The following UBXN2B variants were observed in gnomAD, a reference collection of about 807,000 sequenced individuals.
The protein encoded by UBXN2B is UBX domain-containing protein 2B.
UBXN2B carries 19 observed loss-of-function variants against 37.5 expected under a neutral mutation model. The ratio of observed to expected loss-of-function variants is 0.51; its 90% CI spans 0.35 to 0.74. The LOEUF (loss-of-function observed/expected upper bound fraction) is 0.74, where lower values mean the gene tolerates loss of function less well. Ranked by LOEUF, UBXN2B falls within the 30% of genes least tolerant of loss-of-function variation. UBXN2B has a pLI of 0.01. For missense variants in UBXN2B, 370 were observed against 393.2 expected (o/e 0.94, Z 0.50); for synonymous variants, 145 against 143.8 (o/e 1.01, Z -0.06).
At chr8:58,430,413 C>A in intron 2 of UBXN2B, 106 bp from the exon 3 acceptor site, 1 of 772,860 alleles carries the variant, frequency 1.3e-6, no homozygotes, top group Non-Finnish European at 1.8e-6. Flanking sequence ...CAAAATAATG[C>A]CTCTTTTTAA....
At chr8:58,423,254 A>G (rs979295308) in intron 2 of UBXN2B, among the ~76,000 whole-genome samples, 1 of 152,274 alleles carries the variant, frequency 6.6e-6, no homozygotes, top group East Asian at 1.9e-4. Flanking sequence ...CAGCCAGGCC[A>G]CTGAAAGAGA....
At chr8:58,424,852 G>C in intron 2 of UBXN2B, 3 of 1,344,086 alleles carry the variant, frequency 2.2e-6, no homozygotes, top group South Asian at 1.2e-5. Flanking sequence ...CTGTGTTTCT[G>C]TCTGGACCAT....
chr8:58,426,645 AC>A, intron 2 of UBXN2B: 2 of 741,526 alleles, frequency 2.7e-6, no homozygotes, highest in Non-Finnish European at 2.5e-6. Flanking sequence ...TTCTGCCTCC[AC>A]CCCAGTGATA....
chr8:58,411,469 G>A lies in UBXN2B; in HGVS notation c.84G>A (p.Gln28=). ...GPRPPSARDL[Q]LALAELYEDE... ...GGCCTCCGAGCGCGCGGGATTTGCA[G>A]GTGAGGCGAGGAGCCGGGGGAGGGA... Residue 28 remains glutamine (Q), a splice_region_variant and synonymous_variant, in exon 1 of 8, where the codon CAG becomes CAA. Coordinates refer to ENST00000399598, the MANE Select transcript of UBXN2B (RefSeq NM_001077619.2). The A allele has an allele frequency of 8.0e-7, 1 of 1,252,864 alleles. No homozygotes were observed. Among genetic ancestry groups the A allele is most frequent in the Non-Finnish European group, 1.0e-6 (1 of 993,836 alleles). The allele number at this position is 1,252,864 out of a possible 1,614,324, so 77.6% of individuals were successfully genotyped here.
intron 1 of UBXN2B, 152 bp from the exon 2 acceptor site, chr8:58,416,698 T>G (rs2129603669): frequency 1.9e-6 from 1 of 517,310 alleles, no homozygotes; most frequent in East Asian, 3.2e-5. Context: ...TGCAGTAAGT[T>G]TATTTCAGAA....
chr8:58,446,661 T>C (rs888677426), intron 7 of UBXN2B, among the ~76,000 whole-genome samples: 4 of 151,946 alleles, frequency 2.6e-5, no homozygotes, highest in Admixed American at 2.0e-4. Context: ...TTAAAATTAT[T>C]CCTATGATAG....
chr8:58,436,132 G>A lies in UBXN2B; in HGVS notation c.533+1628G>A, dbSNP rs1808406522. 3.9e-5 allele frequency among the ~76,000 whole-genome samples: 6 copies of A among 152,156 alleles called. No individual in the cohort carries two copies. In the South Asian group the frequency reaches 1.2e-3, roughly 32 times the overall value. On this transcript the variant is annotated intron_variant, in intron 5 of 7. Coordinates refer to ENST00000399598, the MANE Select transcript of UBXN2B (RefSeq NM_001077619.2). Reference sequence around the variant, plus strand: ...CTCTGTGCAGTCTAGCACTTCCTATGTAAATGTGACAGGTATAAAAACAGA... The same window carrying A: ...CTCTGTGCAGTCTAGCACTTCCTATATAAATGTGACAGGTATAAAAACAGA...
chr8:58,426,095 TTC>T (rs1808076694), intron 2 of UBXN2B: 1 of 1,387,822 alleles, frequency 7.2e-7, no homozygotes. Context: ...ATCTCCATTC[TTC>T]TCTTTTAATT....
chr8:58,428,013 G>A (rs1281309998), intron 2 of UBXN2B, among the ~76,000 whole-genome samples: 2 of 152,164 alleles, frequency 1.3e-5, no homozygotes, highest in African/African-American at 4.8e-5. Flanking sequence ...ACAGCGAAAG[G>A]GAGAAGAAGG....
Position 58,413,390 on chromosome 8 carries a change from A to G in UBXN2B, c.84+1921A>G, listed in dbSNP as rs577451563. On this transcript the variant is annotated intron_variant, in intron 1 of 7. Coordinates refer to ENST00000399598, the MANE Select transcript of UBXN2B (RefSeq NM_001077619.2). The stretch of plus-strand genomic sequence containing the variant: ...AAATAAAGTATGTATCAAAAGTTTA[A>G]AAGAATTAAATAATGTTCTTCCCAA... 2.0e-5 allele frequency: 3 copies of G among 152,346 alleles called. No homozygotes were observed. The South Asian group carries it at 6.2e-4, about 32-fold the overall frequency. 9.4% of individuals were successfully genotyped at this position (152,346 alleles called of 1,614,324 possible). A position where few individuals can be genotyped will look rare whatever the true frequency, so the allele number is the denominator to read the frequency against.
At chr8:58,442,840 C>T (rs1808582506) in intron 6 of UBXN2B, among the ~76,000 whole-genome samples, 1 of 152,194 alleles carries the variant, frequency 6.6e-6, no homozygotes, top group Admixed American at 6.5e-5. Context: ...GATGTTTCTG[C>T]AGAAGAACAG....
chr8:58,442,899 CT>C (rs963097519), intron 6 of UBXN2B, among the ~76,000 whole-genome samples: 19 of 152,226 alleles, frequency 1.2e-4, no homozygotes, highest in African/African-American at 4.3e-4. Flanking sequence ...GTGCTTGCCA[CT>C]CTCACTTACC....
intron 2 of UBXN2B, among the ~76,000 whole-genome samples, chr8:58,423,463 T>G (rs1585600067): frequency 1.4e-5 from 2 of 146,874 alleles, no homozygotes. Flanking sequence ...TGACACGGAG[T>G]CTTGCACTGT....
intron 6 of UBXN2B, 35 bp downstream of exon 6, chr8:58,439,805 G>A: frequency 6.4e-7 from 1 of 1,560,434 alleles, no homozygotes; most frequent in Non-Finnish European, 8.6e-7. Flanking sequence ...TACCTTTGTT[G>A]AACATGAATT....
Position 58,450,828 on chromosome 8 carries a change from T to C in UBXN2B, c.*3277T>C, listed in dbSNP as rs1377983509. On this transcript the variant is annotated 3_prime_UTR_variant, in exon 8 of 8. Transcript: ENST00000399598. ...AGAGGTGAATTTACCTGTGCTAGGG[T>C]TTTCACACTGGGAGTGCTACCAGAA... The C allele has an allele frequency of 6.6e-6, 1 of 152,180 alleles. No individual in the cohort carries two copies. The allele number at this position is 152,180 out of a possible 1,614,324, so 9.4% of individuals were successfully genotyped here. A position where few individuals can be genotyped will look rare whatever the true frequency, so the allele number is the denominator to read the frequency against.
chr8:58,434,082 C>T (rs1293563730), intron 4 of UBXN2B, among the ~76,000 whole-genome samples: 2 of 152,036 alleles, frequency 1.3e-5, no homozygotes, highest in Non-Finnish European at 2.9e-5. Flanking sequence ...CTTCTCATTG[C>T]TTTCATTTTC....
intron 5 of UBXN2B, 41 bp downstream of exon 5, chr8:58,434,545 G>T: frequency 1.4e-6 from 2 of 1,397,470 alleles, no homozygotes; most frequent in South Asian, 1.4e-5. Flanking sequence ...ATGTAGAGTG[G>T]GACTTATTTT....
At chr8:58,424,998 G>A (rs776649414) in intron 2 of UBXN2B, 12 of 786,862 alleles carry the variant, frequency 1.5e-5, no homozygotes, top group Middle Eastern at 3.6e-4. Flanking sequence ...CAGCACTGCC[G>A]TGCACCACGA....
chr8:58,415,733 G>A (rs577070503), intron 1 of UBXN2B, among the ~76,000 whole-genome samples: 10 of 152,152 alleles, frequency 6.6e-5, no homozygotes, highest in South Asian at 2.1e-4. Context: ...CACACAGGAA[G>A]TGCCTAAGTT....
Sources: gnomAD v4.1 joint callset for allele counts (sites outside exome capture counted in the v4.1 genomes callset) on GRCh38, gnomAD v4.1.1 for gene constraint, MANE v1.5 for transcripts, NCBI Gene and HGNC (gene_info 2026-07-23, HGNC 2026-07-21) for gene names.